PCDHGA1: variants seen among roughly 807,000 people sequenced by gnomAD.
PCDHGA1 encodes protocadherin gamma-A1.
PCDHGA1 carries 32 observed loss-of-function variants against 58.0 expected under a neutral mutation model. The ratio of observed to expected loss-of-function variants is 0.55; its 90% confidence interval spans 0.42 to 0.74. The LOEUF (loss-of-function observed/expected upper bound fraction) is 0.74, where lower values mean the gene tolerates loss of function less well. Ranked by LOEUF, PCDHGA1 falls within the 30% of genes least tolerant of loss-of-function variation. PCDHGA1 has a pLI of 0.00. For missense variants in PCDHGA1, 1,205 were observed against 1,182.3 expected, an observed-to-expected ratio of 1.02 and a Z score of -0.28; for synonymous variants, 498 against 501.1, an observed-to-expected ratio of 0.99 and a Z score of 0.08.
rs771681529 is a variant in PCDHGA1 at position 141,486,617 on chromosome 5, C to T, written c.2422-8190C>T. The T allele has an allele frequency of 1.2e-6, 2 of 1,613,602 alleles. No individual in the cohort carries two copies. Among genetic ancestry groups the T allele is most frequent in the Non-Finnish European group, 1.7e-6 (2 of 1,180,036 alleles). On this transcript the variant is annotated intron_variant, in intron 1 of 3. Coordinates refer to ENST00000517417, the MANE Select transcript of PCDHGA1 (RefSeq NM_018912.3). The surrounding 1 kb of genome is among the most constrained non-coding windows in gnomAD (Gnocchi z 5.0). ...GCTTTGCTCCCTTGCAGCCTCTGAC[C>T]CAGACTCTGGCTTGAATGCGCTTAT...
chr5:141,344,264 G>C, intron 1 of PCDHGA1: 2 of 1,614,094 alleles, frequency 1.2e-6, no homozygotes, highest in Non-Finnish European at 1.7e-6. Flanking sequence ...TTTTCTCTCT[G>C]AATCCGCAAA....
intron 1 of PCDHGA1, chr5:141,433,272 C>G (rs1161817377): frequency 8.0e-7 from 1 of 1,252,412 alleles, no homozygotes; most frequent in Non-Finnish European, 1.1e-6. Flanking sequence ...TAGCTCACTG[C>G]AGCCTCAAAC....
chr5:141,357,439 C>T (rs772687347), intron 1 of PCDHGA1: 1 of 1,614,206 alleles, frequency 6.2e-7, no homozygotes, highest in East Asian at 2.2e-5. Flanking sequence ...GGACGGGGTT[C>T]GGGCTTTCCT....
chr5:141,414,724 G>A (rs1461729604), intron 1 of PCDHGA1: 48 of 1,614,138 alleles, frequency 3.0e-5, no homozygotes, highest in Non-Finnish European at 3.9e-5. Context: ...AGACACTGGC[G>A]TCCTGTATGC....
At chr5:141,356,454 T>G in intron 1 of PCDHGA1, 1 of 1,613,414 alleles carries the variant, frequency 6.2e-7, no homozygotes, top group Non-Finnish European at 8.5e-7. Context: ...TCTCAGAATA[T>G]AACATCACTG....
intron 1 of PCDHGA1, chr5:141,366,519 G>A (rs1421344823): frequency 2.5e-6 from 4 of 1,614,138 alleles, no homozygotes; most frequent in Non-Finnish European, 1.7e-6. Flanking sequence ...GCTGAAGGCA[G>A]CAGGTTGGCG....
intron 1 of PCDHGA1, chr5:141,352,611 T>C: frequency 6.2e-7 from 1 of 1,613,484 alleles, no homozygotes; most frequent in Non-Finnish European, 8.5e-7. Context: ...CCTTCTATGG[T>C]TGTATGTGCC....
intron 1 of PCDHGA1, among the ~76,000 whole-genome samples, chr5:141,381,126 A>G (rs772022914): frequency 2.6e-5 from 4 of 152,232 alleles, no homozygotes; most frequent in Non-Finnish European, 5.9e-5. Context: ...TGTATTCTGG[A>G]GCAATGCCAC....
chr5:141,473,616 G>A (rs1049605139), intron 1 of PCDHGA1, among the ~76,000 whole-genome samples: 5 of 152,118 alleles, frequency 3.3e-5, no homozygotes, highest in African/African-American at 1.2e-4. Flanking sequence ...GCAAAGGGAG[G>A]GAGGAAAAAG....
At chr5:141,408,667 C>G in intron 1 of PCDHGA1, 1 of 1,613,954 alleles carries the variant, frequency 6.2e-7, no homozygotes, top group Non-Finnish European at 8.5e-7. Context: ...TATCGCTTGA[C>G]CCTGCCACGG....
At chr5:141,381,761 A>G (rs1777413345) in intron 1 of PCDHGA1, among the ~76,000 whole-genome samples, 1 of 150,538 alleles carries the variant, frequency 6.6e-6, no homozygotes, top group Non-Finnish European at 1.5e-5. Flanking sequence ...TTCTACTACT[A>G]TATAATCAAT....
At chr5:141,381,269 G>A (rs1777099951) in intron 1 of PCDHGA1, among the ~76,000 whole-genome samples, 1 of 152,224 alleles carries the variant, frequency 6.6e-6, no homozygotes, top group Admixed American at 6.5e-5. Flanking sequence ...AACCAAGACT[G>A]TTTCTTGCCA....
intron 1 of PCDHGA1, chr5:141,400,128 G>A: frequency 6.2e-7 from 1 of 1,614,080 alleles, no homozygotes; most frequent in South Asian, 1.1e-5. Flanking sequence ...TGCAGGAGGT[G>A]CTGCCGGATA....
At chr5:141,375,665 C>T (rs114223268) in intron 1 of PCDHGA1, 22,660 of 1,614,242 alleles carry the variant, frequency 0.014, 234 homozygotes, top group Non-Finnish European at 0.016. Flanking sequence ...GTTGAGAGAC[C>T]TACAGCTGTG....
At chr5:141,509,631 C>A (rs1250891268) in intron 3 of PCDHGA1, among the ~76,000 whole-genome samples, 1 of 152,200 alleles carries the variant, frequency 6.6e-6, no homozygotes, top group East Asian at 1.9e-4. Flanking sequence ...CTGGGTGATG[C>A]TGAGCCAGGG....
At chr5:141,352,412 G>C in intron 1 of PCDHGA1, 1 of 1,613,998 alleles carries the variant, frequency 6.2e-7, no homozygotes, top group South Asian at 1.1e-5. Context: ...CTCCAGCCTC[G>C]ACACTGAGGG....
chr5:141,372,417 C>T lies in PCDHGA1; in HGVS notation c.2421+39312C>T, dbSNP rs762705826. 12 of 1,614,062 alleles carry T rather than the reference C, an allele frequency of 7.4e-6. No homozygotes were observed. In the South Asian group the frequency reaches 1.2e-4, roughly 16 times the overall value. ...TAGCTTGCAAGAGATACAACCTGAC[C>T]TTAGCGACCGCCCCACTCCCTCTGA... On this transcript the variant is annotated intron_variant, in intron 1 of 3. Transcript: ENST00000517417.
At chr5:141,466,621 T>A (rs911794654) in intron 1 of PCDHGA1, among the ~76,000 whole-genome samples, 1 of 152,208 alleles carries the variant, frequency 6.6e-6, no homozygotes, top group Non-Finnish European at 1.5e-5. Context: ...GCCGTTTTCT[T>A]TGGAGCATTG....
At chr5:141,356,176 G>C (rs1169279400) in intron 1 of PCDHGA1, 1 of 1,612,348 alleles carries the variant, frequency 6.2e-7, no homozygotes, top group Admixed American at 1.7e-5. Context: ...TGATGGGCCT[G>C]GTCTCCGAGC....
Sources: allele counts gnomAD v4.1 joint callset (sites outside exome capture counted in the v4.1 genomes callset), GRCh38; gene constraint gnomAD v4.1.1; non-coding constraint Gnocchi (gnomAD v3.1); transcripts MANE v1.5; gene names NCBI Gene and HGNC (gene_info 2026-07-23, HGNC 2026-07-21).